Variants in IL31RA observed in about 807,000 individuals in gnomAD.
IL31RA encodes interleukin 31 receptor A, also known as interleukin-31 receptor subunit alpha.
IL31RA carries 66 observed loss-of-function variants against 83.7 expected under a neutral mutation model. That is an observed-to-expected ratio of 0.79 (90% CI 0.65 to 0.97). The LOEUF (loss-of-function observed/expected upper bound fraction) is 0.97, where lower values mean the gene tolerates loss of function less well. Ranked by LOEUF, IL31RA falls within the 50% of genes least tolerant of loss-of-function variation. IL31RA has a pLI of 0.00. For synonymous variants in IL31RA, 325 were observed against 329.0 expected (o/e 0.99, Z 0.13); for missense variants, 798 against 919.4 (o/e 0.87, Z 1.71).
At chr5:55,844,310 G>T in the IL31RA span, among the ~76,000 whole-genome samples, 1 of 152,152 alleles carries the variant, frequency 6.6e-6, no homozygotes, top group Non-Finnish European at 1.5e-5. Context: ...TTTGTTGCCG[G>T]TAGACCTGCC....
At chr5:55,870,185 G>A (rs139518979) in intron 3 of IL31RA, among the ~76,000 whole-genome samples, 85 of 152,288 alleles carry the variant, frequency 5.6e-4, no homozygotes, top group African/African-American at 1.8e-3. Context: ...CAATGGGTGC[G>A]GCTGCTTTCC....
At chr5:55,911,495 T>G (rs1749500444) in intron 12 of IL31RA, among the ~76,000 whole-genome samples, 1 of 152,138 alleles carries the variant, frequency 6.6e-6, no homozygotes, top group Non-Finnish European at 1.5e-5. Context: ...TTGTGGAGGT[T>G]TTTTTTGAGC....
At position 55,889,987 on chromosome 5, in the gene IL31RA, T is replaced by C. The variant is rs370917781; in HGVS notation, c.624T>C (p.Ala208=). 3.1e-6 allele frequency: 5 copies of C among 1,614,008 alleles called. No homozygotes were observed. Among genetic ancestry groups the C allele is most frequent in the Non-Finnish European group, 4.2e-6 (5 of 1,179,974 alleles). The change falls in exon 6 of 15, where the codon GCT becomes GCC. Residue 208 remains alanine, a synonymous_variant. Transcript: ENST00000652347. ...NSTSWMEVNF[A]KNRKDKNQTY... is the part of the protein sequence containing the mutation. ...TCTTGTAGATGGAAGTCAACTTCGC[T>C]AAGAACCGTAAGGATAAAAACCAAA...
chr5:55,858,427 T>G (rs1745478800), intron 1 of IL31RA, among the ~76,000 whole-genome samples: 1 of 152,210 alleles, frequency 6.6e-6, no homozygotes, highest in Admixed American at 6.5e-5. Flanking sequence ...CCTTTTTTCT[T>G]CATTGAAAAA....
At position 55,918,217 on chromosome 5, in the gene IL31RA, A is replaced by G. The variant is rs958287706; in HGVS notation, c.*1097A>G. On this transcript the variant is annotated 3_prime_UTR_variant, in exon 15 of 15. Transcript: ENST00000652347. ...TTGACCTTTGTGGGAGGCCACTAGG[A>G]GGCTGGTGAGATCAGGGCAGGCGAG... is the stretch of plus-strand genomic sequence containing the variant. Among the ~76,000 whole-genome samples, 3 of 152,140 alleles carry G rather than the reference A, an allele frequency of 2.0e-5. No individual in the cohort carries two copies. Among genetic ancestry groups the G allele is most frequent in the Non-Finnish European group, 4.4e-5 (3 of 68,010 alleles).
At chr5:55,905,601 A>T (rs950920725) in intron 8 of IL31RA, among the ~76,000 whole-genome samples, 1 of 152,346 alleles carries the variant, frequency 6.6e-6, no homozygotes, top group African/African-American at 2.4e-5. Flanking sequence ...TCTTTCTGGT[A>T]GAAATGCAAT....
intron 1 of IL31RA, among the ~76,000 whole-genome samples, chr5:55,856,004 C>A (rs750850718): frequency 6.6e-6 from 1 of 152,240 alleles, no homozygotes; most frequent in African/African-American, 2.4e-5. Flanking sequence ...TCAAGCAATT[C>A]TCCTGCCTTA....
chr5:55,916,616 A>T (rs1176864973), intron 14 of IL31RA, 28 bp from the exon 15 acceptor site: 1 of 1,599,584 alleles, frequency 6.3e-7, no homozygotes, highest in Non-Finnish European at 8.6e-7. Context: ...CTAAATGACC[A>T]CTTGGGATGT....
At chr5:55,864,435 TAC>T (rs925495779) in intron 2 of IL31RA, among the ~76,000 whole-genome samples, 12 of 123,862 alleles carry the variant, frequency 9.7e-5, no homozygotes, top group Non-Finnish European at 1.5e-4. Flanking sequence ...CACCCCACAC[TAC>T]ACACACACAC....
intron 5 of IL31RA, among the ~76,000 whole-genome samples, chr5:55,883,931 C>CTA (rs1430587569): frequency 6.6e-6 from 1 of 152,194 alleles, no homozygotes; most frequent in African/African-American, 2.4e-5. Context: ...CTTATTCATG[C>CTA]TATATAATGC....
intron 12 of IL31RA, among the ~76,000 whole-genome samples, chr5:55,911,670 CAGAA>C (rs1749509663): frequency 6.6e-6 from 1 of 151,946 alleles, no homozygotes; most frequent in Non-Finnish European, 1.5e-5. Flanking sequence ...GGGGATGAAG[CAGAA>C]AGAAGGAAGG....
chr5:55,843,058 G>A, the IL31RA span, among the ~76,000 whole-genome samples: 2 of 152,196 alleles, frequency 1.3e-5, no homozygotes, highest in Non-Finnish European at 2.9e-5. Flanking sequence ...TTCTGTTCAG[G>A]TTAATCTTCC....
At chr5:55,912,628 C>A (rs1231363524) in intron 12 of IL31RA, among the ~76,000 whole-genome samples, 1 of 152,160 alleles carries the variant, frequency 6.6e-6, no homozygotes, top group African/African-American at 2.4e-5. Context: ...GAAACCCAGT[C>A]TCTGCCTAAA....
At chr5:55,879,057 G>GCTTC (rs1747028338) in intron 4 of IL31RA, among the ~76,000 whole-genome samples, 1 of 152,104 alleles carries the variant, frequency 6.6e-6, no homozygotes, top group Non-Finnish European at 1.5e-5. Flanking sequence ...CTTGCCCCAG[G>GCTTC]CTTCCATGTG....
At chr5:55,891,318 T>C (rs2112478346) in intron 6 of IL31RA, among the ~76,000 whole-genome samples, 1 of 152,328 alleles carries the variant, frequency 6.6e-6, no homozygotes, top group Admixed American at 6.5e-5. Flanking sequence ...AATGTATCAG[T>C]TTTCTATTGC....
intron 4 of IL31RA, among the ~76,000 whole-genome samples, chr5:55,882,610 T>TCA (rs1466075349): frequency 2.0e-5 from 3 of 152,216 alleles, no homozygotes; most frequent in African/African-American, 7.2e-5. Context: ...GAGAGAAATT[T>TCA]AAGGCTAAAA....
intron 4 of IL31RA, among the ~76,000 whole-genome samples, chr5:55,876,524 T>G (rs970153981): frequency 6.6e-6 from 1 of 152,248 alleles, no homozygotes; most frequent in African/African-American, 2.4e-5. Context: ...GTCCAGCCTC[T>G]GACATAAATT....
Position 55,907,404 on chromosome 5 carries a change from T to C in IL31RA, c.1298T>C (p.Met433Thr), listed in dbSNP as rs752373087. 1 of 1,613,946 alleles carries C rather than the reference T, an allele frequency of 6.2e-7. No homozygotes were observed. Reference sequence around the variant, plus strand: ...TGCTATAACATCTCTGTGTATCCAATGTTGCATGACAAAGTTGGCGAGCCA... The same window carrying C: ...TGCTATAACATCTCTGTGTATCCAACGTTGCATGACAAAGTTGGCGAGCCA... ...FWCYNISVYP[M>T]LHDKVGEPYS... The change falls in exon 10 of 15, where the codon ATG (methionine) becomes ACG (threonine). Residue 433 changes from methionine to threonine, a missense_variant. Transcript: ENST00000652347.
chr5:55,853,180 T>C (rs1745158751), intron 1 of IL31RA: 1 of 281,562 alleles, frequency 3.6e-6, no homozygotes, highest in African/African-American at 2.3e-5. Context: ...ATACTCTCAC[T>C]GTTTCAGCTA....
Sources: allele counts gnomAD v4.1 joint callset (sites outside exome capture counted in the v4.1 genomes callset), GRCh38; gene constraint gnomAD v4.1.1; transcripts MANE v1.5; gene names NCBI Gene and HGNC (gene_info 2026-07-23, HGNC 2026-07-21).